The following BBS9 variants were observed in gnomAD, a reference collection of about 807,000 sequenced individuals.
BBS9 encodes Bardet-Biedl syndrome 9.
In BBS9, 89 loss-of-function variants were observed where a neutral mutation model predicts 117.7. That is an observed-to-expected ratio of 0.76 (90% CI 0.64 to 0.90). The LOEUF is 0.90. Ranked by LOEUF, BBS9 falls within the 40% of genes least tolerant of loss-of-function variation. The pLI is 0.00. For synonymous variants in BBS9, 379 were observed against 370.9 expected (o/e 1.02, Z -0.25); for missense variants, 982 against 1,042.2 (o/e 0.94, Z 0.80).
intron 21 of BBS9, among the ~76,000 whole-genome samples, chr7:33,616,871 C>T (rs1865164748): frequency 6.6e-6 from 1 of 151,924 alleles, no homozygotes; most frequent in South Asian, 2.1e-4. Flanking sequence ...CAACCTTCCA[C>T]CTTTTGGAGT....
At chr7:33,218,344 A>G (rs897379260) in intron 5 of BBS9, among the ~76,000 whole-genome samples, 2 of 152,238 alleles carry the variant, frequency 1.3e-5, no homozygotes, top group Admixed American at 6.5e-5. Context: ...CTTTGTTGGT[A>G]TAAGGTCCAT....
intron 21 of BBS9, among the ~76,000 whole-genome samples, chr7:33,590,211 T>A (rs1252778356): frequency 3.3e-5 from 5 of 152,010 alleles, no homozygotes; most frequent in Admixed American, 3.3e-4. Flanking sequence ...GGGATGGATG[T>A]GTGAGAGAAA....
chr7:33,319,987 G>T (rs1273390354), intron 9 of BBS9, among the ~76,000 whole-genome samples: 4 of 152,090 alleles, frequency 2.6e-5, no homozygotes, highest in Non-Finnish European at 5.9e-5. Flanking sequence ...GCACACTGTA[G>T]CATTATATTT....
At position 33,302,846 on chromosome 7, in the gene BBS9, T is replaced by C. The variant is rs137941125; in HGVS notation, c.1016+28890T>C. Among the ~76,000 whole-genome samples the C allele has an allele frequency of 6.6e-5, 10 of 152,342 alleles. No individual in the cohort carries two copies. The South Asian group carries it at 1.5e-3, about 22-fold the overall frequency. On this transcript the variant is annotated intron_variant, in intron 9 of 22. Transcript: ENST00000242067. ...CATTGGTATTTTGGTAGTGATATCA[T>C]TGAATGTCTAGATTGCTTTGGGTAG...
chr7:33,176,859 A>C (rs977952570), intron 4 of BBS9, among the ~76,000 whole-genome samples: 3 of 152,096 alleles, frequency 2.0e-5, no homozygotes, highest in African/African-American at 7.2e-5. Context: ...CTCTTTTCTC[A>C]TTTGGAAAGA....
chr7:33,285,916 T>A (rs1293059043), intron 9 of BBS9, among the ~76,000 whole-genome samples: 1 of 152,024 alleles, frequency 6.6e-6, no homozygotes, highest in Non-Finnish European at 1.5e-5. Context: ...ATTTTATTTT[T>A]AATGTAATAA....
chr7:33,372,303 T>A (rs1823022710), intron 17 of BBS9, among the ~76,000 whole-genome samples: 1 of 152,110 alleles, frequency 6.6e-6, no homozygotes, highest in African/African-American at 2.4e-5. Context: ...AAAAGGCCTG[T>A]TTGTATTGAG....
intron 19 of BBS9, among the ~76,000 whole-genome samples, chr7:33,481,984 T>C (rs930221160): frequency 1.3e-5 from 2 of 152,224 alleles, no homozygotes; most frequent in Non-Finnish European, 2.9e-5. Context: ...AATGTCCACA[T>C]CTTGAACTAT....
At chr7:33,497,780 A>C (rs1844928733) in intron 19 of BBS9, among the ~76,000 whole-genome samples, 1 of 152,106 alleles carries the variant, frequency 6.6e-6, no homozygotes, top group Non-Finnish European at 1.5e-5. Flanking sequence ...CAAAATGAAC[A>C]CTGTTTTCAC....
chr7:33,518,153 C>T (rs1399115597), intron 20 of BBS9, among the ~76,000 whole-genome samples: 2 of 151,702 alleles, frequency 1.3e-5, no homozygotes, highest in Non-Finnish European at 2.9e-5. Flanking sequence ...GAGGCTAGGG[C>T]ATGAGAGCTA....
At chr7:33,388,259 C>A in intron 19 of BBS9, 115 bp downstream of exon 19, 3 of 1,259,316 alleles carry the variant, frequency 2.4e-6, no homozygotes, top group Non-Finnish European at 3.4e-6. Flanking sequence ...CTTTAAGGAA[C>A]AGTGAACAGT....
intron 4 of BBS9, 144 bp from the exon 5 acceptor site, chr7:33,177,334 C>T: frequency 1.5e-6 from 1 of 655,056 alleles, no homozygotes; most frequent in Non-Finnish European, 2.7e-6. Context: ...CATCAGTATG[C>T]TAATTTTTCA....
At chr7:33,253,715 C>A (rs1796586560) in intron 5 of BBS9, among the ~76,000 whole-genome samples, 1 of 152,216 alleles carries the variant, frequency 6.6e-6, no homozygotes, top group Non-Finnish European at 1.5e-5. Flanking sequence ...ACGTGACTTT[C>A]ATCTCTGAGG....
chr7:33,298,390 T>C (rs558886068), intron 9 of BBS9, among the ~76,000 whole-genome samples: 2 of 152,294 alleles, frequency 1.3e-5, no homozygotes, highest in South Asian at 4.1e-4. Context: ...GGGGATTGGA[T>C]AAGTTAACTT....
Position 33,273,241 on chromosome 7 carries a change from T to G in BBS9, c.886+46T>G, listed in dbSNP as rs371712434. 5.0e-5 allele frequency: 80 copies of G among 1,589,954 alleles called. 1 individual carries two copies. The African/African-American group carries it at 8.1e-4, about 16-fold the overall frequency. On this transcript the variant is annotated intron_variant, in intron 8 of 22. Transcript: ENST00000242067. ...TTATCTCTTCCATATGTCAAGGCTATGTGATATACACCAGAAAAAGCCACA... is the reference window on the plus strand; with the variant it reads ...TTATCTCTTCCATATGTCAAGGCTAGGTGATATACACCAGAAAAAGCCACA...
intron 19 of BBS9, among the ~76,000 whole-genome samples, chr7:33,490,674 C>T (rs933038537): frequency 5.3e-5 from 8 of 152,138 alleles, no homozygotes; most frequent in Non-Finnish European, 1.2e-4. Context: ...TCAATTTGTA[C>T]TCTTTGAAGA....
At chr7:33,221,769 T>C (rs953411098) in intron 5 of BBS9, among the ~76,000 whole-genome samples, 2 of 152,198 alleles carry the variant, frequency 1.3e-5, no homozygotes, top group African/African-American at 4.8e-5. Context: ...CTATTCTTCA[T>C]TGAGGTATGT....
chr7:33,261,917 CT>C (rs1798043767), intron 6 of BBS9, among the ~76,000 whole-genome samples: 1 of 152,100 alleles, frequency 6.6e-6, no homozygotes, highest in Non-Finnish European at 1.5e-5. Flanking sequence ...GACAAGGGAA[CT>C]TTTTTGTGTA....
intron 22 of BBS9, 99 bp downstream of exon 22, chr7:33,605,074 T>G: frequency 6.8e-7 from 1 of 1,463,658 alleles, no homozygotes. Context: ...CAAAGCTGCT[T>G]GTTTTCCAAT....
Sources: allele counts gnomAD v4.1 joint callset (sites outside exome capture counted in the v4.1 genomes callset), GRCh38; gene constraint gnomAD v4.1.1; transcripts MANE v1.5; gene names NCBI Gene and HGNC (gene_info 2026-07-23, HGNC 2026-07-21).